The following DLEU7 variants were observed in gnomAD, a reference collection of about 807,000 sequenced individuals.
DLEU7 encodes the protein deleted in lymphocytic leukemia 7.
DLEU7 carries 17 observed loss-of-function variants against 16.0 expected under a neutral mutation model. The observed-to-expected ratio is 1.06, with a 90% CI of 0.73 to 1.59. The LOEUF (loss-of-function observed/expected upper bound fraction) is 1.59, where lower values mean the gene tolerates loss of function less well. DLEU7 is among the 40% of genes most tolerant of loss of function. The pLI is 0.00. For missense variants in DLEU7, 308 were observed against 314.9 expected (o/e 0.98, Z 0.17); for synonymous variants, 113 against 139.8 (o/e 0.81, Z 1.35).
At chr13:50,753,320 C>G (rs1043330494) in intron 1 of DLEU7, among the ~76,000 whole-genome samples, 3 of 152,264 alleles carry the variant, frequency 2.0e-5, no homozygotes, top group Admixed American at 2.0e-4. Flanking sequence ...CTCCTCAGCC[C>G]TTGCGTGGTC....
Position 50,755,577 on chromosome 13 carries a change from A to G in DLEU7, c.460-42337T>C, listed in dbSNP as rs188461664. 2.2e-3 allele frequency among the ~76,000 whole-genome samples: 333 copies of G among 151,878 alleles called. 4 individuals carry two copies. Among genetic ancestry groups the G allele is most frequent in the African/African-American group, 7.6e-3 (313 of 41,402 alleles). On this transcript the variant is annotated intron_variant, in intron 1 of 1. Coordinates refer to the DLEU7 transcript ENST00000400393. ...TTTTTTATGCTATCTATTTCCTTTA[A>G]TATTTCTCCCTTCACTTCTTGTATC...
chr13:50,826,826 G>A (rs890818807), intron 1 of DLEU7, among the ~76,000 whole-genome samples: 1 of 152,126 alleles, frequency 6.6e-6, no homozygotes, highest in Non-Finnish European at 1.5e-5. Context: ...GACAGCAGCT[G>A]ATTTCTCACC....
chr13:50,714,312 A>C (rs1276410722), intron 1 of DLEU7, among the ~76,000 whole-genome samples: 1 of 152,050 alleles, frequency 6.6e-6, no homozygotes, highest in Admixed American at 6.6e-5. Flanking sequence ...TTCCCACCCT[A>C]GTGGTGAATT....
At chr13:50,734,399 A>C (rs1053986195) in intron 1 of DLEU7, among the ~76,000 whole-genome samples, 1 of 152,188 alleles carries the variant, frequency 6.6e-6, no homozygotes, top group African/African-American at 2.4e-5. Context: ...AATTTTACTC[A>C]TATTGGCCCT....
intron 1 of DLEU7, among the ~76,000 whole-genome samples, chr13:50,739,369 T>G (rs775002553): frequency 6.6e-6 from 1 of 152,160 alleles, no homozygotes; most frequent in Non-Finnish European, 1.5e-5. Context: ...AGGCATTCAA[T>G]AAATGTTTGT....
chr13:50,764,125 G>A (rs550201584), intron 1 of DLEU7, among the ~76,000 whole-genome samples: 42 of 152,274 alleles, frequency 2.8e-4, no homozygotes, highest in African/African-American at 8.7e-4. Context: ...GCACTGTCGC[G>A]CTCTGTGATC....
chr13:50,805,891 G>T (rs1876375297), intron 1 of DLEU7, among the ~76,000 whole-genome samples: 1 of 152,174 alleles, frequency 6.6e-6, no homozygotes. Flanking sequence ...ATTGTACATG[G>T]TTGCTTCAGC....
intron 1 of DLEU7, among the ~76,000 whole-genome samples, chr13:50,748,005 T>C (rs1874449073): frequency 6.6e-6 from 1 of 152,234 alleles, no homozygotes; most frequent in East Asian, 1.9e-4. Flanking sequence ...CCATCCTGGC[T>C]AGTGCTTAAC....
At chr13:50,831,920 C>T (rs1330084403) in intron 1 of DLEU7, among the ~76,000 whole-genome samples, 1 of 152,194 alleles carries the variant, frequency 6.6e-6, no homozygotes, top group African/African-American at 2.4e-5. Flanking sequence ...CATTGATGTT[C>T]ATCAGGGATA....
intron 1 of DLEU7, among the ~76,000 whole-genome samples, chr13:50,736,895 T>C (rs1874085810): frequency 6.6e-6 from 1 of 152,084 alleles, no homozygotes; most frequent in Non-Finnish European, 1.5e-5. Flanking sequence ...ACCAAAAATT[T>C]AGCAACTTGA....
At chr13:50,730,172 G>T (rs926931158) in intron 1 of DLEU7, among the ~76,000 whole-genome samples, 1 of 151,872 alleles carries the variant, frequency 6.6e-6, no homozygotes, top group Non-Finnish European at 1.5e-5. Flanking sequence ...CAGAGGAGGG[G>T]TTGGTCTTGC....
intron 1 of DLEU7, among the ~76,000 whole-genome samples, chr13:50,718,456 T>A (rs1873498933): frequency 6.6e-6 from 1 of 152,168 alleles, no homozygotes; most frequent in East Asian, 1.9e-4. Context: ...CTCTGGTGAT[T>A]AGAATGAGGG....
chr13:50,734,285 A>G (rs867462053), intron 1 of DLEU7, among the ~76,000 whole-genome samples: 1 of 152,224 alleles, frequency 6.6e-6, no homozygotes, highest in Non-Finnish European at 1.5e-5. Context: ...TTAATGTGAA[A>G]TTAGACCTGA....
chr13:50,756,027 G>C (rs1325590371), intron 1 of DLEU7, among the ~76,000 whole-genome samples: 2 of 152,126 alleles, frequency 1.3e-5, no homozygotes, highest in Non-Finnish European at 2.9e-5. Flanking sequence ...CTCCAGGCTG[G>C]TACTGGGGGT....
intron 1 of DLEU7, among the ~76,000 whole-genome samples, chr13:50,740,765 C>T (rs1874230218): frequency 6.6e-6 from 1 of 152,154 alleles, no homozygotes; most frequent in South Asian, 2.1e-4. Flanking sequence ...AAAATGCATC[C>T]ATTCTATTAA....
downstream of DLEU7, among the ~76,000 whole-genome samples, chr13:50,821,826 G>A (rs913109199): frequency 2.6e-5 from 4 of 152,014 alleles, no homozygotes; most frequent in African/African-American, 9.7e-5. Context: ...TGAAAGAAAA[G>A]TACAGAGCTA....
intron 1 of DLEU7, among the ~76,000 whole-genome samples, chr13:50,729,909 C>T (rs2706233): frequency 3.6e-4 from 55 of 151,934 alleles, no homozygotes; most frequent in African/African-American, 1.2e-3. Context: ...CTTTGGACTC[C>T]CTGAAACTTA....
chr13:50,752,668 G>A (rs567205446), intron 1 of DLEU7, among the ~76,000 whole-genome samples: 3 of 151,362 alleles, frequency 2.0e-5, no homozygotes, highest in Middle Eastern at 6.8e-3. Flanking sequence ...AAGGCGGCGC[G>A]TCTGGAGTTG....
At chr13:50,744,666 A>G (rs944301219) in intron 1 of DLEU7, among the ~76,000 whole-genome samples, 3 of 152,246 alleles carry the variant, frequency 2.0e-5, no homozygotes, top group African/African-American at 4.8e-5. Context: ...TACAAATTAT[A>G]TATCTAATAA....
Sources: gnomAD v4.1 joint callset for allele counts (sites outside exome capture counted in the v4.1 genomes callset) on GRCh38, gnomAD v4.1.1 for gene constraint, MANE v1.5 for transcripts, NCBI Gene and HGNC (gene_info 2026-07-23, HGNC 2026-07-21) for gene names.